PRKCE: variants seen among roughly 807,000 people sequenced by gnomAD.
PRKCE encodes protein kinase C epsilon.
Under a neutral mutation model 85.4 loss-of-function variants are expected in PRKCE, and 16 were observed. The observed-to-expected ratio is 0.19, with a 90% confidence interval of 0.13 to 0.28. The LOEUF is 0.28. Ranked by LOEUF, PRKCE falls within the 10% of genes least tolerant of loss-of-function variation. The probability of loss-of-function intolerance (pLI) is 1.00; values close to 1 mark genes in which losing one functional copy is unlikely to be tolerated. For synonymous variants in PRKCE, 388 were observed against 371.5 expected, an observed-to-expected ratio of 1.04 and a Z score of -0.51; for missense variants, 573 against 975.2, an observed-to-expected ratio of 0.59 and a Z score of 5.49.
chr2:45,773,888 C>T (rs1266816629), intron 1 of PRKCE, among the ~76,000 whole-genome samples: 1 of 152,164 alleles, frequency 6.6e-6, no homozygotes, highest in South Asian at 2.1e-4. Context: ...GTAAGGTGCC[C>T]TGGGCAGCTG....
intron 2 of PRKCE, among the ~76,000 whole-genome samples, chr2:45,952,204 T>G (rs1158259739): frequency 6.6e-6 from 1 of 152,186 alleles, no homozygotes; most frequent in Non-Finnish European, 1.5e-5. Context: ...TTCCATCACA[T>G]AGATAAACAA....
intron 10 of PRKCE, among the ~76,000 whole-genome samples, chr2:46,054,641 T>G (rs540627051): frequency 5.9e-5 from 9 of 152,294 alleles, no homozygotes; most frequent in African/African-American, 2.2e-4. Flanking sequence ...CTAGTTCTGA[T>G]AGGGACAGGA....
At chr2:45,702,144 G>A (rs575943888) in intron 1 of PRKCE, among the ~76,000 whole-genome samples, 2 of 152,258 alleles carry the variant, frequency 1.3e-5, no homozygotes, top group Non-Finnish European at 1.5e-5. Flanking sequence ...AGCTGAGATC[G>A]CACCACTGCA....
In PRKCE at chr2:46,112,238, A is replaced by G. The variant is rs115226770; in HGVS notation, c.1592+25876A>G. Among the ~76,000 whole-genome samples, 1,083 of 152,274 alleles carry G rather than the reference A, an allele frequency of 7.1e-3. 7 individuals carry two copies. The highest frequency in any genetic ancestry group is 0.025 in the African/African-American group (1,019 of 41,540). On this transcript the variant is annotated intron_variant, in intron 11 of 14. Coordinates refer to ENST00000306156, the MANE Select transcript of PRKCE (RefSeq NM_005400.3). ...GCTTTCTTTTCATTAACATTAGCAT[A>G]GTAATTCTTTCTCTATCCCTTTACT...
intron 1 of PRKCE, among the ~76,000 whole-genome samples, chr2:45,802,649 A>T (rs1687957063): frequency 6.6e-6 from 1 of 152,212 alleles, no homozygotes. Context: ...GAAGTCAGTC[A>T]CTTTAGAATG....
intron 2 of PRKCE, among the ~76,000 whole-genome samples, chr2:45,949,901 G>A (rs993243878): frequency 2.7e-5 from 4 of 150,150 alleles, no homozygotes; most frequent in Non-Finnish European, 5.9e-5. Context: ...TTTTTTTAAA[G>A]AAAACTCAGT....
intron 2 of PRKCE, among the ~76,000 whole-genome samples, chr2:45,955,329 C>T (rs1244774219): frequency 1.3e-5 from 2 of 152,046 alleles, no homozygotes; most frequent in East Asian, 1.9e-4. Context: ...ATGAGCTTGG[C>T]CTCTGAGAGG....
At chr2:45,743,925 C>A (rs1330014842) in intron 1 of PRKCE, among the ~76,000 whole-genome samples, 1 of 151,480 alleles carries the variant, frequency 6.6e-6, no homozygotes, top group Admixed American at 6.6e-5. Context: ...GAAGGGCGAA[C>A]AGACCTGAGT....
At chr2:46,067,855 G>T (rs1320471679) in intron 10 of PRKCE, among the ~76,000 whole-genome samples, 1 of 152,116 alleles carries the variant, frequency 6.6e-6, no homozygotes, top group Non-Finnish European at 1.5e-5. Context: ...GCAAGGTAGG[G>T]GTACAGTAAA....
intron 1 of PRKCE, among the ~76,000 whole-genome samples, chr2:45,812,397 C>T (rs1049467703): frequency 2.0e-5 from 3 of 152,158 alleles, no homozygotes; most frequent in Non-Finnish European, 4.4e-5. Flanking sequence ...CCCAGCAAAA[C>T]AAGTACTTAC....
chr2:45,748,913 T>A (rs1683340765), intron 1 of PRKCE, among the ~76,000 whole-genome samples: 2 of 149,442 alleles, frequency 1.3e-5, no homozygotes, highest in South Asian at 4.2e-4. Flanking sequence ...TTTCTCAGAC[T>A]GAGTCTTGCT....
chr2:45,743,361 T>C (rs1229417307), intron 1 of PRKCE, among the ~76,000 whole-genome samples: 1 of 152,154 alleles, frequency 6.6e-6, no homozygotes, highest in Non-Finnish European at 1.5e-5. Flanking sequence ...CATCGCGGTG[T>C]ACACCTTGAA....
rs571875189 is a variant in PRKCE, at chr2:45,689,584, G to A, written c.348+37136G>A. Among the ~76,000 whole-genome samples the A allele has an allele frequency of 2.2e-4, 34 of 151,504 alleles. 1 individual carries two copies. The highest frequency in any genetic ancestry group is 7.5e-4 in the African/African-American group (31 of 41,418). On this transcript the variant is annotated intron_variant, in intron 1 of 14. Coordinates refer to ENST00000306156, the MANE Select transcript of PRKCE (RefSeq NM_005400.3). The stretch of plus-strand genomic sequence containing the variant: ...TAATTTAATAAATATACATAGCAAA[G>A]CATTCAAACAGTGAAAAAGTAAATG...
At chr2:45,929,625 T>C (rs1698884810) in intron 2 of PRKCE, among the ~76,000 whole-genome samples, 1 of 152,196 alleles carries the variant, frequency 6.6e-6, no homozygotes, top group African/African-American at 2.4e-5. Flanking sequence ...ACTCATATTA[T>C]CAAAGGTTCT....
At chr2:45,702,723 A>G (rs1177150883) in intron 1 of PRKCE, among the ~76,000 whole-genome samples, 1 of 152,158 alleles carries the variant, frequency 6.6e-6, no homozygotes, top group East Asian at 1.9e-4. Flanking sequence ...GGGGTACCCC[A>G]GCATATAAAG....
chr2:45,832,805 G>C (rs1196947129), intron 1 of PRKCE, among the ~76,000 whole-genome samples: 1 of 152,166 alleles, frequency 6.6e-6, no homozygotes, highest in Non-Finnish European at 1.5e-5. Flanking sequence ...TTGTGAGGAT[G>C]CGCGCAAGTT....
chr2:45,970,752 G>T (rs1156263800), intron 2 of PRKCE, among the ~76,000 whole-genome samples: 1 of 151,916 alleles, frequency 6.6e-6, no homozygotes, highest in African/African-American at 2.4e-5. Context: ...GTAGCTGAAT[G>T]TCTTTGTTCT....
At chr2:45,704,347 C>A (rs1476479362) in intron 1 of PRKCE, among the ~76,000 whole-genome samples, 1 of 152,172 alleles carries the variant, frequency 6.6e-6, no homozygotes, top group African/African-American at 2.4e-5. Flanking sequence ...CCTTCTGTGT[C>A]CCTCCCTCTA....
At chr2:46,000,891 C>T (rs1444287162) in intron 6 of PRKCE, 1 of 152,234 alleles carries the variant, frequency 6.6e-6, no homozygotes, top group Non-Finnish European at 1.5e-5. Context: ...CTTCACTTCA[C>T]TTGGTGGATC....
Sources: allele counts gnomAD v4.1 joint callset (sites outside exome capture counted in the v4.1 genomes callset), GRCh38; gene constraint gnomAD v4.1.1; transcripts MANE v1.5; gene names NCBI Gene and HGNC (gene_info 2026-07-23, HGNC 2026-07-21).